Variants in SLC9A9 observed in about 807,000 individuals in gnomAD.
SLC9A9 encodes solute carrier family 9 member A9.
Under a neutral mutation model 77.8 loss-of-function variants are expected in SLC9A9, and 62 were observed. The ratio of observed to expected loss-of-function variants is 0.80; its 90% CI spans 0.65 to 0.98. The LOEUF is 0.98. Ranked by LOEUF, SLC9A9 falls within the 50% of genes least tolerant of loss-of-function variation. SLC9A9 has a pLI of 0.00. For synonymous variants in SLC9A9, 320 were observed against 283.5 expected, an observed-to-expected ratio of 1.13 and a Z score of -1.29; for missense variants, 775 against 774.9, an observed-to-expected ratio of 1.00 and a Z score of 0.00.
chr3:143,412,019 C>T (rs1576479677), intron 12 of SLC9A9, among the ~76,000 whole-genome samples: 2 of 152,096 alleles, frequency 1.3e-5, no homozygotes, highest in Admixed American at 6.5e-5. Flanking sequence ...CATTTCAGTC[C>T]GGGAGGGCCA....
In SLC9A9 at chr3:143,796,908, C is replaced by T; in HGVS notation, c.379-5G>A. 1 of 1,607,276 alleles carries T rather than the reference C, an allele frequency of 6.2e-7. No individual in the cohort carries two copies. The highest frequency in any genetic ancestry group is 1.3e-5 in the African/African-American group (1 of 74,392). ...GATTTCTGGATCAAATGTCATCTGC[C>T]AGAAAGGAAAAAAAGGATAGTTAGA... On this transcript the variant is annotated splice_polypyrimidine_tract_variant and splice_region_variant and intron_variant, in intron 2 of 15. Transcript: ENST00000316549.
At chr3:143,741,664 G>A (rs1172946583) in intron 4 of SLC9A9, among the ~76,000 whole-genome samples, 1 of 151,110 alleles carries the variant, frequency 6.6e-6, no homozygotes, top group Non-Finnish European at 1.5e-5. Flanking sequence ...CCTCAGCCAA[G>A]TGATCAAGGT....
At chr3:143,356,776 A>G (rs1479218261) in intron 14 of SLC9A9, among the ~76,000 whole-genome samples, 1 of 152,096 alleles carries the variant, frequency 6.6e-6, no homozygotes, top group African/African-American at 2.4e-5. Flanking sequence ...CCACCCCCTA[A>G]GGTGCTGGGA....
At chr3:143,595,605 G>A (rs923134913) in intron 6 of SLC9A9, among the ~76,000 whole-genome samples, 8 of 152,198 alleles carry the variant, frequency 5.3e-5, no homozygotes, top group Non-Finnish European at 1.0e-4. Flanking sequence ...TGATTAGGGT[G>A]ATGTAGGTGA....
At chr3:143,743,547 G>A (rs1935135211) in intron 4 of SLC9A9, among the ~76,000 whole-genome samples, 1 of 152,182 alleles carries the variant, frequency 6.6e-6, no homozygotes, top group African/African-American at 2.4e-5. Context: ...AACTTCAGGA[G>A]AGAGAGGAAA....
In SLC9A9 at chr3:143,471,315, C is replaced by A. The variant is rs146049050; in HGVS notation, c.1316-4125G>T. Reference sequence around the variant, plus strand: ...GAAGTTGCTTATCATACATTTGGAGCCTAGATAAATGTGAAACCAATGCTT... The same window carrying A: ...GAAGTTGCTTATCATACATTTGGAGACTAGATAAATGTGAAACCAATGCTT... On this transcript the variant is annotated intron_variant, in intron 11 of 15. Coordinates refer to ENST00000316549, the MANE Select transcript of SLC9A9 (RefSeq NM_173653.4). 2.6e-4 allele frequency among the ~76,000 whole-genome samples: 39 copies of A among 152,204 alleles called. 1 individual carries two copies. The highest frequency in any genetic ancestry group is 1.0e-4 in the Non-Finnish European group (7 of 68,004).
chr3:143,694,871 C>T (rs1933582649), intron 4 of SLC9A9, among the ~76,000 whole-genome samples: 1 of 152,072 alleles, frequency 6.6e-6, no homozygotes, highest in Admixed American at 6.6e-5. Context: ...ATAATTCTAC[C>T]CTCTGAATTG....
intron 12 of SLC9A9, 61 bp downstream of exon 12, chr3:143,466,976 A>G: frequency 6.3e-7 from 1 of 1,579,606 alleles, no homozygotes; most frequent in Non-Finnish European, 8.6e-7. Context: ...CAGCAATACC[A>G]GAAATTGAAC....
rs936313312 is a variant in SLC9A9 at position 143,299,223 on chromosome 3, T to TA, written c.1605-30244dup. On this transcript the variant is annotated intron_variant, in intron 14 of 15. Coordinates refer to ENST00000316549, the MANE Select transcript of SLC9A9 (RefSeq NM_173653.4). ...AACATTACAGCTCTTTCCTAAAGGG[T>TA]AAAAAAAAAGGCCCTAAGAAGATTA... is the stretch of plus-strand genomic sequence containing the variant. Among the ~76,000 whole-genome samples, 589 of 150,730 alleles carry TA rather than the reference T, an allele frequency of 3.9e-3. 4 individuals carry two copies. Among genetic ancestry groups the TA allele is most frequent in the African/African-American group, 0.014 (561 of 41,088 alleles).
chr3:143,769,020 G>C (rs560202613), intron 4 of SLC9A9, among the ~76,000 whole-genome samples: 1 of 152,070 alleles, frequency 6.6e-6, no homozygotes, highest in Admixed American at 6.6e-5. Context: ...GACTTTGGCC[G>C]AGTTATCTTT....
In SLC9A9 at chr3:143,655,489, C is replaced by T. The variant is rs988698990; in HGVS notation, c.650-3129G>A. ...GACAATTTGGTCATTTTGTCTTTAA[C>T]TTACTTTAGTTCCACTCATCTTTTA... On this transcript the variant is annotated intron_variant, in intron 5 of 15. Transcript: ENST00000316549. 85 of 985,392 alleles carry T rather than the reference C, an allele frequency of 8.6e-5. No individual in the cohort carries two copies. The African/African-American group carries it at 1.3e-3, about 16-fold the overall frequency. 61.0% of individuals were successfully genotyped at this position (985,392 alleles called of 1,614,324 possible).
At chr3:143,565,069 A>T (rs1326686579) in intron 8 of SLC9A9, among the ~76,000 whole-genome samples, 6 of 152,130 alleles carry the variant, frequency 3.9e-5, no homozygotes, top group African/African-American at 1.4e-4. Flanking sequence ...AATGTTGCCT[A>T]AATCTGTGAT....
At chr3:143,664,443 A>G (rs2039029769) in intron 5 of SLC9A9, among the ~76,000 whole-genome samples, 1 of 152,246 alleles carries the variant, frequency 6.6e-6, no homozygotes, top group Non-Finnish European at 1.5e-5. Flanking sequence ...ATAACCAGCT[A>G]ACATCATACT....
intron 12 of SLC9A9, among the ~76,000 whole-genome samples, chr3:143,437,554 T>C (rs1407546631): frequency 6.6e-6 from 1 of 152,240 alleles, no homozygotes; most frequent in African/African-American, 2.4e-5. Context: ...AGAAAACAGC[T>C]GATATCTACT....
At chr3:143,361,870 C>G (rs1371979262) in intron 14 of SLC9A9, among the ~76,000 whole-genome samples, 1 of 151,968 alleles carries the variant, frequency 6.6e-6, no homozygotes, top group Non-Finnish European at 1.5e-5. Context: ...TCACTTTATT[C>G]CTTTTCTTCA....
intron 5 of SLC9A9, among the ~76,000 whole-genome samples, chr3:143,658,329 C>G (rs1353907260): frequency 6.6e-6 from 1 of 152,196 alleles, no homozygotes; most frequent in African/African-American, 2.4e-5. Flanking sequence ...GAGAATCATA[C>G]TAGCTAAGCA....
chr3:143,684,660 T>G (rs1017716543), intron 5 of SLC9A9, among the ~76,000 whole-genome samples: 10 of 152,094 alleles, frequency 6.6e-5, no homozygotes, highest in African/African-American at 2.4e-4. Context: ...AGAATACAAT[T>G]GAGACATTTG....
At chr3:143,836,891 C>A (rs1422378605) in intron 1 of SLC9A9, among the ~76,000 whole-genome samples, 1 of 152,182 alleles carries the variant, frequency 6.6e-6, no homozygotes. Flanking sequence ...CCCTTCCCTT[C>A]TGCCAAATCC....
intron 4 of SLC9A9, among the ~76,000 whole-genome samples, chr3:143,709,377 A>G (rs966558849): frequency 6.6e-6 from 1 of 152,064 alleles, no homozygotes; most frequent in Non-Finnish European, 1.5e-5. Flanking sequence ...GGGGACTCTA[A>G]AGTCCAGACT....
Sources: gnomAD v4.1 joint callset for allele counts (sites outside exome capture counted in the v4.1 genomes callset) on GRCh38, gnomAD v4.1.1 for gene constraint, MANE v1.5 for transcripts, NCBI Gene and HGNC (gene_info 2026-07-23, HGNC 2026-07-21) for gene names.